Variants in VPS53 observed in about 807,000 individuals in gnomAD.
The protein encoded by VPS53 is vacuolar protein sorting-associated protein 53 homolog.
Under a neutral mutation model 107.0 loss-of-function variants are expected in VPS53, and 70 were observed. The observed-to-expected ratio is 0.65, with a 90% CI of 0.54 to 0.80. VPS53 has a LOEUF of 0.80. Ranked by LOEUF, VPS53 falls within the 30% of genes least tolerant of loss-of-function variation. VPS53 has a pLI of 0.00. For synonymous variants in VPS53, 409 were observed against 393.3 expected, an observed-to-expected ratio of 1.04 and a Z score of -0.47; for missense variants, 917 against 1,049.4, an observed-to-expected ratio of 0.87 and a Z score of 1.74.
chr17:708,273 T>A (rs1973495082), intron 2 of VPS53, among the ~76,000 whole-genome samples: 1 of 152,106 alleles, frequency 6.6e-6, no homozygotes, highest in Admixed American at 6.6e-5. Flanking sequence ...GTGTGGGTCA[T>A]CTCAAATGAT....
chr17:589,800 T>A (rs1006693942), intron 12 of VPS53, among the ~76,000 whole-genome samples: 1 of 152,144 alleles, frequency 6.6e-6, no homozygotes, highest in Non-Finnish European at 1.5e-5. Context: ...TAGTTTGAAG[T>A]CAGGTAGTGT....
chr17:578,453 A>G (rs538167646), intron 13 of VPS53, among the ~76,000 whole-genome samples: 4 of 149,054 alleles, frequency 2.7e-5, no homozygotes, highest in Admixed American at 1.3e-4. Context: ...TTCCCTCAGA[A>G]CCTAATTCCT....
At chr17:598,689 C>T (rs930586526) in intron 12 of VPS53, among the ~76,000 whole-genome samples, 4 of 123,014 alleles carry the variant, frequency 3.3e-5, no homozygotes, top group Non-Finnish European at 5.6e-5. Flanking sequence ...TCTGCCCGGC[C>T]GCCCCGTCTG....
chr17:592,432 T>C (rs1326528505), intron 12 of VPS53, among the ~76,000 whole-genome samples: 2 of 152,174 alleles, frequency 1.3e-5, no homozygotes, highest in African/African-American at 2.4e-5. Flanking sequence ...ATCCTGTCAT[T>C]ATGATGTTAG....
chr17:612,456 C>G (rs1195712626), intron 11 of VPS53, among the ~76,000 whole-genome samples: 4 of 141,030 alleles, frequency 2.8e-5, no homozygotes, highest in Non-Finnish European at 6.2e-5. Flanking sequence ...ATAGTTCACA[C>G]AGCGAAAACC....
chr17:694,704 T>C (rs1972886629), intron 4 of VPS53, among the ~76,000 whole-genome samples: 1 of 152,190 alleles, frequency 6.6e-6, no homozygotes. Context: ...TTTGTTTATT[T>C]ATAATTAATA....
intron 4 of VPS53, among the ~76,000 whole-genome samples, chr17:686,613 C>T (rs1292687972): frequency 1.3e-5 from 2 of 152,102 alleles, no homozygotes; most frequent in African/African-American, 2.4e-5. Context: ...ACGCTGAAGG[C>T]AGTAAGGGGC....
At chr17:581,695 C>A (rs1020152721) in intron 13 of VPS53, among the ~76,000 whole-genome samples, 24 of 151,920 alleles carry the variant, frequency 1.6e-4, no homozygotes, top group African/African-American at 5.6e-4. Context: ...GAAAACCTTC[C>A]TCAGAACCTA....
intron 4 of VPS53, among the ~76,000 whole-genome samples, chr17:693,041 G>A (rs538630475): frequency 6.6e-6 from 1 of 152,292 alleles, no homozygotes; most frequent in South Asian, 2.1e-4. Flanking sequence ...GGCTGAGGCA[G>A]GAGAGTCGCT....
chr17:707,026 G>C (rs1973432658), intron 2 of VPS53, among the ~76,000 whole-genome samples: 1 of 152,180 alleles, frequency 6.6e-6, no homozygotes. Flanking sequence ...ACTGCCTACA[G>C]CAGCAACCTC....
intron 7 of VPS53, among the ~76,000 whole-genome samples, chr17:651,766 A>G (rs548543949): frequency 2.0e-5 from 3 of 152,122 alleles, no homozygotes; most frequent in African/African-American, 2.4e-5. Context: ...GAATTTGTCA[A>G]TTGTGACGGT....
At chr17:522,156 G>T (rs1567596141) in intron 19 of VPS53, among the ~76,000 whole-genome samples, 1 of 152,146 alleles carries the variant, frequency 6.6e-6, no homozygotes, top group Non-Finnish European at 1.5e-5. Flanking sequence ...GAGGAAGACT[G>T]AGGTGGGTGG....
Position 574,869 on chromosome 17 carries a change from CA to C in VPS53, c.1313+11400del, listed in dbSNP as rs541854815. ...GGGGCTTTGGCTGAAAAGAGTCATC[CA>C]GGGGGGTTCCTCAAAGACCTGTGAC... On this transcript the variant is annotated intron_variant, in intron 13 of 21. Coordinates refer to ENST00000437048, the MANE Select transcript of VPS53 (RefSeq NM_001128159.3). Among the ~76,000 whole-genome samples the C allele has an allele frequency of 5.7e-3, 862 of 152,290 alleles. 3 individuals carry two copies. Among genetic ancestry groups the C allele is most frequent in the Non-Finnish European group, 9.5e-3 (646 of 68,006 alleles).
At chr17:607,823 T>C (rs1968655811) in intron 11 of VPS53, among the ~76,000 whole-genome samples, 1 of 152,122 alleles carries the variant, frequency 6.6e-6, no homozygotes, top group Non-Finnish European at 1.5e-5. Context: ...TCCCAGCACC[T>C]TCAAAACAGT....
chr17:661,287 C>G (rs1008564504), intron 5 of VPS53, among the ~76,000 whole-genome samples: 1 of 151,754 alleles, frequency 6.6e-6, no homozygotes, highest in East Asian at 1.9e-4. Flanking sequence ...TTTGGGAGGC[C>G]GAGGCGGGCG....
intron 19 of VPS53, among the ~76,000 whole-genome samples, chr17:527,084 C>T (rs1212093534): frequency 2.0e-5 from 3 of 152,238 alleles, no homozygotes; most frequent in African/African-American, 4.8e-5. Context: ...AGTACACAAA[C>T]ACCACGTATG....
Position 661,914 on chromosome 17 carries a change from A to G in VPS53, c.286-19T>C. On this transcript the variant is annotated intron_variant, in intron 4 of 21. Transcript: ENST00000437048. ...CAAGCGCCTAGAGTAAGGGAAATAC[A>G]TGAAAAACAAAAAGTGGCTAGAGAC... is the stretch of plus-strand genomic sequence containing the variant. 1 of 1,547,200 alleles carries G rather than the reference A, an allele frequency of 6.5e-7. No homozygotes were observed. The highest frequency in any genetic ancestry group is 8.7e-7 in the Non-Finnish European group (1 of 1,144,298).
chr17:568,199 T>A (rs1339344634), intron 13 of VPS53, among the ~76,000 whole-genome samples: 1 of 152,112 alleles, frequency 6.6e-6, no homozygotes, highest in Non-Finnish European at 1.5e-5. Flanking sequence ...GCAACGCAGG[T>A]GAGCAAGGTC....
At position 628,218 on chromosome 17, in the gene VPS53, G is replaced by A; in HGVS notation, c.701C>T (p.Pro234Leu). ...ACATGCATCTCGTAGAACATTGCTG[G>A]GTCCTCCTGGTCTCTAGTAAAACAA... is the stretch of plus-strand genomic sequence containing the variant. Reference protein sequence around the residue: ...PSQGTKRPGGPSNVLRDACLV... With the variant: ...PSQGTKRPGGLSNVLRDACLV... The change falls in exon 9 of 22, where the codon CCC (proline) becomes CTC (leucine). Residue 234 changes from proline (P) to leucine (L), a missense_variant. By Grantham distance (98) the Pro-to-Leu change is moderately conservative. Coordinates refer to ENST00000437048, the MANE Select transcript of VPS53 (RefSeq NM_001128159.3). The A allele has an allele frequency of 6.2e-7, 1 of 1,613,500 alleles. No individual in the cohort carries two copies. Among genetic ancestry groups the A allele is most frequent in the African/African-American group, 1.3e-5 (1 of 74,994 alleles).
Sources: gnomAD v4.1 joint callset for allele counts (sites outside exome capture counted in the v4.1 genomes callset) on GRCh38, gnomAD v4.1.1 for gene constraint, MANE v1.5 for transcripts, NCBI Gene and HGNC (gene_info 2026-07-23, HGNC 2026-07-21) for gene names.